Variants in VPS4B observed in about 807,000 individuals in gnomAD.
VPS4B encodes vacuolar protein sorting-associated protein 4B.
A neutral mutation model predicts 56.1 loss-of-function variants in VPS4B; 23 were observed. The ratio of observed to expected loss-of-function variants is 0.41; its 90% confidence interval spans 0.30 to 0.58. VPS4B has a LOEUF of 0.58. VPS4B is among the 20% of genes least tolerant of loss of function. VPS4B has a pLI of 0.29. For synonymous variants in VPS4B, 177 were observed against 186.0 expected, an observed-to-expected ratio of 0.95 and a Z score of 0.39; for missense variants, 372 against 531.9, an observed-to-expected ratio of 0.70 and a Z score of 2.96.
At chr18:63,396,310 T>C (rs1330011046) in intron 9 of VPS4B, 1 of 152,318 alleles carries the variant, frequency 6.6e-6, no homozygotes, top group Non-Finnish European at 1.5e-5. Context: ...TGGAGTACAC[T>C]GGTGCAATCT....
At chr18:63,416,888 G>A (rs12607546) in intron 1 of VPS4B, among the ~76,000 whole-genome samples, 40,552 of 151,922 alleles carry the variant, frequency 0.27, 6,051 homozygotes, top group East Asian at 0.49. Flanking sequence ...ATTTGCTATA[G>A]CAAAGGCTGC....
Position 63,397,092 on chromosome 18 carries a change from A to C in VPS4B, c.1034T>G (p.Val345Gly). ...GYSGADISIIVRDALMQPVRK... is the reference protein window; with the variant it reads ...GYSGADISIIGRDALMQPVRK... ...AACAGGCTGCATAAGGGCATCACGTACAATGATACTTATATCTGCCCCTGA... is the reference window on the plus strand; with the variant it reads ...AACAGGCTGCATAAGGGCATCACGTCCAATGATACTTATATCTGCCCCTGA... Residue 345 changes from valine to glycine, a missense_variant, in exon 9 of 11, where the codon GTA (valine) becomes GGA (glycine). Transcript: ENST00000238497. The C allele has an allele frequency of 1.2e-6, 2 of 1,614,164 alleles. No homozygotes were observed. Among genetic ancestry groups the C allele is most frequent in the Non-Finnish European group, 1.7e-6 (2 of 1,180,026 alleles).
At chr18:63,393,378 T>C in intron 10 of VPS4B, 31 bp downstream of exon 10, 1 of 1,559,824 alleles carries the variant, frequency 6.4e-7, no homozygotes, top group Non-Finnish European at 8.7e-7. Context: ...TGTTTTAAAA[T>C]ATTTTCTTAA....
At chr18:63,412,124 G>C (rs906774923) in intron 1 of VPS4B, among the ~76,000 whole-genome samples, 5 of 152,174 alleles carry the variant, frequency 3.3e-5, no homozygotes, top group Non-Finnish European at 4.4e-5. Flanking sequence ...TATTATCAGA[G>C]AGGTCTTTTA....
chr18:63,391,560 G>T (rs987515971), intron 10 of VPS4B, among the ~76,000 whole-genome samples: 2 of 152,106 alleles, frequency 1.3e-5, no homozygotes, highest in African/African-American at 4.8e-5. Context: ...CATGATCTTT[G>T]ATCATGTTAT....
intron 8 of VPS4B, among the ~76,000 whole-genome samples, chr18:63,398,954 G>A (rs899560802): frequency 1.3e-5 from 2 of 152,050 alleles, no homozygotes; most frequent in African/African-American, 4.8e-5. Flanking sequence ...AATTTTTGAA[G>A]CATCAGTGCC....
intron 5 of VPS4B, 144 bp downstream of exon 5, chr18:63,403,563 C>T (rs1915856684): frequency 1.1e-6 from 1 of 917,764 alleles, no homozygotes; most frequent in African/African-American, 1.7e-5. Flanking sequence ...AATAAAACAT[C>T]TTGTATAAAG....
Position 63,411,519 on chromosome 18 carries a change from T to C in VPS4B, c.87A>G (p.Glu29=), listed in dbSNP as rs1916045406. Reference sequence around the variant, plus strand: ...CAGCATGCTGATAGAGCTGAAGGGCTTCTTCGTAGTTCCCAGCCTTGTCTT... The same window carrying C: ...CAGCATGCTGATAGAGCTGAAGGGCCTCTTCGTAGTTCCCAGCCTTGTCTT... ...AQEDKAGNYE[E]ALQLYQHAVQ... is the part of the protein sequence containing the mutation. Residue 29 remains glutamate (E), a synonymous_variant, in exon 2 of 11, where the codon GAA becomes GAG. Transcript: ENST00000238497. The C allele has an allele frequency of 1.2e-6, 2 of 1,604,054 alleles. No homozygotes were observed. Among genetic ancestry groups the C allele is most frequent in the African/African-American group, 1.3e-5 (1 of 74,772 alleles).
intron 10 of VPS4B, among the ~76,000 whole-genome samples, chr18:63,391,720 C>T (rs576856640): frequency 9.2e-5 from 14 of 152,190 alleles, no homozygotes; most frequent in African/African-American, 1.2e-4. Flanking sequence ...TTTTCTTAAA[C>T]GAGATCAATT....
At chr18:63,404,975 G>A (rs774504234) in intron 4 of VPS4B, among the ~76,000 whole-genome samples, 1 of 152,008 alleles carries the variant, frequency 6.6e-6, no homozygotes, top group African/African-American at 2.4e-5. Flanking sequence ...GTTTCATTAA[G>A]ATTAGTAATC....
chr18:63,413,269 G>GT (rs1373107951), intron 1 of VPS4B, among the ~76,000 whole-genome samples: 1 of 152,194 alleles, frequency 6.6e-6, no homozygotes, highest in Non-Finnish European at 1.5e-5. Context: ...TGGATTCTCA[G>GT]TATTTCTTAC....
At chr18:63,397,856 T>C (rs1354785454) in intron 8 of VPS4B, among the ~76,000 whole-genome samples, 2 of 152,176 alleles carry the variant, frequency 1.3e-5, no homozygotes, top group Non-Finnish European at 2.9e-5. Context: ...GGTAACTCTC[T>C]GTGACAATGA....
In VPS4B at chr18:63,407,417, G is replaced by A. The variant is rs757149470; in HGVS notation, c.364+15C>T. 9.4e-6 allele frequency: 15 copies of A among 1,591,762 alleles called. No individual in the cohort carries two copies. The highest frequency in any genetic ancestry group is 1.7e-4 in the Middle Eastern group (1 of 5,996). On this transcript the variant is annotated intron_variant, in intron 4 of 10. Coordinates refer to ENST00000238497, the MANE Select transcript of VPS4B (RefSeq NM_004869.4). ...TTAATAGGATAGTAAATTTAAAAAT[G>A]AAATCTAAAGCAACCTTGAAGTTGA...
At chr18:63,407,154 C>T (rs1177678733) in intron 4 of VPS4B, among the ~76,000 whole-genome samples, 1 of 152,068 alleles carries the variant, frequency 6.6e-6, no homozygotes, top group Non-Finnish European at 1.5e-5. Context: ...CTCTAAAAGG[C>T]GGCAAATAAA....
chr18:63,421,564 A>G (rs1408259278), intron 1 of VPS4B, among the ~76,000 whole-genome samples: 1 of 152,212 alleles, frequency 6.6e-6, no homozygotes, highest in Admixed American at 6.5e-5. Context: ...TTTCTGAACG[A>G]ATTCCATTCC....
chr18:63,421,125 G>T (rs921615707), intron 1 of VPS4B, among the ~76,000 whole-genome samples: 1 of 151,654 alleles, frequency 6.6e-6, no homozygotes, highest in East Asian at 1.9e-4. Flanking sequence ...AGTCATTGTT[G>T]CAATTATACA....
chr18:63,413,721 A>T (rs564661095), intron 1 of VPS4B, among the ~76,000 whole-genome samples: 23 of 152,308 alleles, frequency 1.5e-4, no homozygotes, highest in Middle Eastern at 3.4e-3. Context: ...TAACATAAGC[A>T]AAAAATCATT....
chr18:63,411,628 A>T (rs2144432627), intron 1 of VPS4B, 50 bp from the exon 2 acceptor site: 1 of 1,371,278 alleles, frequency 7.3e-7, no homozygotes, highest in East Asian at 2.5e-5. Context: ...CATAAACATA[A>T]ATTTGAAGTA....
At chr18:63,403,974 A>G in intron 4 of VPS4B, 148 bp from the exon 5 acceptor site, 1 of 898,326 alleles carries the variant, frequency 1.1e-6, no homozygotes, top group South Asian at 2.0e-5. Context: ...GTGAGCAGGA[A>G]GCAGGTGTTA....
Sources: gnomAD v4.1 joint callset for allele counts (sites outside exome capture counted in the v4.1 genomes callset) on GRCh38, gnomAD v4.1.1 for gene constraint, MANE v1.5 for transcripts, NCBI Gene and HGNC (gene_info 2026-07-23, HGNC 2026-07-21) for gene names.